MYBPC2: variants seen among roughly 807,000 people sequenced by gnomAD.
MYBPC2 encodes myosin-binding protein C, fast-type.
MYBPC2 carries 122 observed loss-of-function variants against 137.0 expected under a neutral mutation model. The observed-to-expected ratio is 0.89, with a 90% CI of 0.77 to 1.03. The LOEUF is 1.03. Among genes scored for constraint, MYBPC2 ranks in the 50% least tolerant of loss-of-function variants. The pLI, the probability that MYBPC2 is intolerant of heterozygous loss-of-function variation, is 0.00. For missense variants in MYBPC2, 1,500 were observed against 1,534.4 expected (o/e 0.98, Z 0.37); for synonymous variants, 626 against 612.3 (o/e 1.02, Z -0.33).
In MYBPC2 at chr19:50,435,528, TCAGTGCCCTC is replaced by T. The variant is rs1299727656; in HGVS notation, c.110-243_110-234del. Among the ~76,000 whole-genome samples the T allele has an allele frequency of 6.6e-6, 1 of 152,104 alleles. No individual in the cohort carries two copies. Among genetic ancestry groups the T allele is most frequent in the Non-Finnish European group, 1.5e-5 (1 of 67,996 alleles). The stretch of plus-strand genomic sequence containing the variant: ...AACCTCTCCCGCCCCAAAGGCACAT[TCAGTGCCCTC>T]CAGTCCACAGATGAGGAAACCGAGG... On this transcript the variant is annotated intron_variant, in intron 2 of 27. Transcript: ENST00000357701. The surrounding 1 kb of genome is among the most constrained non-coding windows in gnomAD (Gnocchi z 4.8).
In MYBPC2 at chr19:50,458,914, T is replaced by C. The variant is rs760779061; in HGVS notation, c.2507-4T>C. ...GAGCCCCCTCCCTGTGTTTGCGCCC[T>C]CAGAGCCACCCAAGATCCGGCTTCC... On this transcript the variant is annotated splice_polypyrimidine_tract_variant and splice_region_variant and intron_variant, in intron 21 of 27. Transcript: ENST00000357701. 1.6e-5 allele frequency: 26 copies of C among 1,609,342 alleles called. No individual in the cohort carries two copies. Among genetic ancestry groups the C allele is most frequent in the Non-Finnish European group, 1.9e-5 (22 of 1,178,152 alleles).
intron 14 of MYBPC2, 101 bp downstream of exon 14, chr19:50,451,036 G>C: frequency 8.8e-7 from 1 of 1,137,392 alleles, no homozygotes. Flanking sequence ...CCCCGAGTGC[G>C]AATGAGGACG....
Position 50,446,040 on chromosome 19 carries a change from C to G in MYBPC2, c.1294C>G (p.Leu432Val). 1 of 1,612,876 alleles carries G rather than the reference C, an allele frequency of 6.2e-7. No homozygotes were observed. Among genetic ancestry groups the G allele is most frequent in the South Asian group, 1.1e-5 (1 of 90,724 alleles). ...CAATGGCGGCCAGTGTGAGGCCGAG[C>G]TGATTGTGGAAGGTATGGGGCCTCC... ...ITNGGQCEAE[L>V]IVEEKQLEVL... Residue 432 changes from leucine (L) to valine (V), a missense_variant, in exon 12 of 28, where the codon CTG becomes GTG. Physicochemically the swap from Leu to Val is conservative, Grantham distance 32. Coordinates refer to ENST00000357701, the MANE Select transcript of MYBPC2 (RefSeq NM_004533.4).
chr19:50,442,288 G>T lies in MYBPC2; in HGVS notation c.877G>T (p.Gly293Cys), dbSNP rs767073991. Residue 293 changes from glycine to cysteine, a missense_variant, in exon 9 of 28, where the codon GGC (glycine) becomes TGC (cysteine). By Grantham distance (159) the Gly-to-Cys change is radical. Transcript: ENST00000357701. ...CCTGACCCTCAAGTGGTTCAAGAAC[G>T]GCCAGGAGATCAAACCAAGCAGCAA... ...PDLTLKWFKN[G>C]QEIKPSSKYV... is the part of the protein sequence containing the mutation. The T allele has an allele frequency of 1.5e-5, 24 of 1,608,388 alleles. No homozygotes were observed. The highest frequency in any genetic ancestry group is 2.0e-5 in the Non-Finnish European group (23 of 1,177,576).
intron 7 of MYBPC2, among the ~76,000 whole-genome samples, chr19:50,440,383 A>G (rs2039740355): frequency 6.6e-6 from 1 of 151,614 alleles, no homozygotes; most frequent in Admixed American, 6.6e-5. Flanking sequence ...TACTCTGCGG[A>G]CCAGGCATGG....
rs1439958129 is a variant in MYBPC2, at chr19:50,438,249, C to T, written c.572+531C>T. 3.3e-5 allele frequency among the ~76,000 whole-genome samples: 5 copies of T among 152,154 alleles called. No individual in the cohort carries two copies. The East Asian group carries it at 9.6e-4, about 29-fold the overall frequency. On this transcript the variant is annotated intron_variant, in intron 7 of 27. Transcript: ENST00000357701. Reference sequence around the variant, plus strand: ...CCCACCTGTTTACCTGCCCATCTGCCATTACAGTCAGCCTAGCTACATGGG... The same window carrying T: ...CCCACCTGTTTACCTGCCCATCTGCTATTACAGTCAGCCTAGCTACATGGG...
chr19:50,442,779 T>C (rs2039768167), intron 9 of MYBPC2, among the ~76,000 whole-genome samples: 1 of 151,756 alleles, frequency 6.6e-6, no homozygotes, highest in Non-Finnish European at 1.5e-5. Context: ...TTAAATTAAT[T>C]ACCTAATTTT....
rs756331480 is a variant in MYBPC2 at position 50,464,408 on chromosome 19, C to T, written c.3291C>T (p.Thr1097=). 3 of 1,611,444 alleles carry T rather than the reference C, an allele frequency of 1.9e-6. No homozygotes were observed. Among genetic ancestry groups the T allele is most frequent in the Admixed American group, 3.4e-5 (2 of 59,600 alleles). ...GTGAAGATCCCAAGTTCCTGATAAC[C>T]AATTACCAAGGAGTCCTGACGCTGA... ...EIREDPKFLI[T]NYQGVLTLNI... Residue 1097 remains threonine (T), a synonymous_variant, in exon 27 of 28, where the codon ACC becomes ACT. Transcript: ENST00000357701.
At chr19:50,437,327 G>C (rs1347082833) in intron 5 of MYBPC2, 146 bp from the exon 6 acceptor site, 4 of 840,204 alleles carry the variant, frequency 4.8e-6, no homozygotes, top group Non-Finnish European at 7.5e-6. Flanking sequence ...ACTAGAGGAT[G>C]CCCAGGCCTG....
At chr19:50,459,359 C>T (rs887259656) in intron 23 of MYBPC2, 53 bp downstream of exon 23, 4 of 1,045,224 alleles carry the variant, frequency 3.8e-6, no homozygotes, top group African/African-American at 4.9e-5. Context: ...GGATGGGCAG[C>T]GATGGGGGAG....
chr19:50,437,107 G>T (rs956029750), intron 5 of MYBPC2, among the ~76,000 whole-genome samples: 1 of 152,104 alleles, frequency 6.6e-6, no homozygotes, highest in Admixed American at 6.6e-5. Flanking sequence ...AGGTTACACG[G>T]ATTTGAGGGC....
chr19:50,444,655 C>T (rs867579931), intron 11 of MYBPC2, among the ~76,000 whole-genome samples: 11 of 151,732 alleles, frequency 7.2e-5, no homozygotes, highest in African/African-American at 1.9e-4. Context: ...CCGAGACGGG[C>T]GGATCACGAG....
rs772623449 is a variant in MYBPC2, at chr19:50,461,850, CAG to C, written c.3092-49_3092-48del. ...TTGCGGTTTGTTCCCTGGTTGGTGT[CAG>C]GGGAGAATCTAGATCAGTCGCCTTA... is the stretch of plus-strand genomic sequence containing the variant. On this transcript the variant is annotated intron_variant, in intron 25 of 27. Coordinates refer to ENST00000357701, the MANE Select transcript of MYBPC2 (RefSeq NM_004533.4). 106 of 1,579,550 alleles carry C rather than the reference CAG, an allele frequency of 6.7e-5. No homozygotes were observed. In the Admixed American group the frequency reaches 1.8e-3, roughly 27 times the overall value.
chr19:50,439,580 TCTTCTG>T, intron 7 of MYBPC2, among the ~76,000 whole-genome samples: 1 of 140,978 alleles, frequency 7.1e-6, no homozygotes, highest in East Asian at 2.1e-4. Context: ...CCATCAACCA[TCTTCTG>T]AGGCCTCCCG....
chr19:50,453,749 A>T (rs1452103055), intron 16 of MYBPC2, among the ~76,000 whole-genome samples: 1 of 152,044 alleles, frequency 6.6e-6, no homozygotes, highest in Non-Finnish European at 1.5e-5. Flanking sequence ...CATGTTGGCC[A>T]GGCTGGTCGC....
rs752484451 is a variant in MYBPC2, at chr19:50,445,933, G to A, written c.1187G>A (p.Arg396His). 43 of 1,610,914 alleles carry A rather than the reference G, an allele frequency of 2.7e-5. No homozygotes were observed. Among genetic ancestry groups the A allele is most frequent in the Admixed American group, 1.7e-4 (10 of 59,580 alleles). Reference sequence around the variant, plus strand: ...GAGGATTCCTTCAAGGCCCGGTACCGCTTCAAGAAGGACGGGAAGCGCCAC... The same window carrying A: ...GAGGATTCCTTCAAGGCCCGGTACCACTTCAAGAAGGACGGGAAGCGCCAC... ...TREDSFKARY[R>H]FKKDGKRHIL... Residue 396 changes from arginine (R) to histidine (H), a missense_variant, in exon 12 of 28, where the codon CGC becomes CAC. By Grantham distance (29) the Arg-to-His change is conservative (BLOSUM62 0). Coordinates refer to ENST00000357701, the MANE Select transcript of MYBPC2 (RefSeq NM_004533.4).
In MYBPC2 at chr19:50,443,500, G is replaced by T. The variant is rs1389363284; in HGVS notation, c.909G>T (p.Val303=). 1 of 1,613,306 alleles carries T rather than the reference G, an allele frequency of 6.2e-7. No individual in the cohort carries two copies. The highest frequency in any genetic ancestry group is 8.5e-7 in the Non-Finnish European group (1 of 1,179,636). Residue 303 remains valine, a synonymous_variant, in exon 10 of 28, where the codon GTG becomes GTT. Transcript: ENST00000357701. ...GGTGAGACTTTTGAATCAGGTACGTGTTTGAGAACGTTGGTAAGAAGCGAA... is the reference window on the plus strand; with the variant it reads ...GGTGAGACTTTTGAATCAGGTACGTTTTTGAGAACGTTGGTAAGAAGCGAA... ...GQEIKPSSKY[V]FENVGKKRIL...
chr19:50,436,383 T>C (rs1034581489), intron 4 of MYBPC2, among the ~76,000 whole-genome samples: 1 of 152,050 alleles, frequency 6.6e-6, no homozygotes, highest in Non-Finnish European at 1.5e-5. Context: ...CTTGGTCATG[T>C]ACATTCCTGG....
At chr19:50,456,597 A>T (rs953030324) in intron 20 of MYBPC2, among the ~76,000 whole-genome samples, 1 of 146,760 alleles carries the variant, frequency 6.8e-6, no homozygotes, top group African/African-American at 2.5e-5. Context: ...TGCCCAGCTA[A>T]TTTTTTTTTT....
Sources: allele counts gnomAD v4.1 joint callset (sites outside exome capture counted in the v4.1 genomes callset), GRCh38; gene constraint gnomAD v4.1.1; non-coding constraint Gnocchi (gnomAD v3.1); transcripts MANE v1.5; gene names NCBI Gene and HGNC (gene_info 2026-07-23, HGNC 2026-07-21).